The following CBR4 variants were observed in gnomAD, a reference collection of about 807,000 sequenced individuals.
CBR4 encodes the protein 3-oxoacyl-[acyl-carrier-protein] reductase.
In CBR4, 22 loss-of-function variants were observed where a neutral mutation model predicts 21.0. The ratio of observed to expected loss-of-function variants is 1.05; its 90% CI spans 0.75 to 1.50. CBR4 has a LOEUF of 1.50. CBR4 is among the 40% of genes most tolerant of loss of function. The pLI is 0.00. For missense variants in CBR4, 302 were observed against 286.3 expected (o/e 1.05, Z -0.40); for synonymous variants, 100 against 104.4 (o/e 0.96, Z 0.26).
At chr4:168,980,695 C>T (rs930297095) in intron 2 of CBR4, among the ~76,000 whole-genome samples, 3 of 152,126 alleles carry the variant, frequency 2.0e-5, no homozygotes, top group African/African-American at 7.2e-5. Flanking sequence ...GAGATCATGC[C>T]ACCACACTCC....
chr4:168,954,228 C>G (rs1763623348), intron 2 of CBR4, among the ~76,000 whole-genome samples: 1 of 152,124 alleles, frequency 6.6e-6, no homozygotes, highest in Non-Finnish European at 1.5e-5. Context: ...TTCTTAAGCA[C>G]AACACTGAAA....
At position 168,988,461 on chromosome 4, in the gene CBR4, C is replaced by CT; in HGVS notation, c.*1688_*1689insA. The CT allele has an allele frequency of 1.0e-5, 10 of 985,418 alleles. No individual in the cohort carries two copies. The highest frequency in any genetic ancestry group is 1.2e-5 in the Non-Finnish European group (10 of 829,936). 61.0% of individuals were successfully genotyped at this position (985,418 alleles called of 1,614,324 possible). A position where few individuals can be genotyped will look rare whatever the true frequency, so the allele number is the denominator to read the frequency against. ...CATAAGGTGTCCAGAGAAGAAAACT[C>CT]AAGACTGAATGGGCTGCCATAATGG... On this transcript the variant is annotated 3_prime_UTR_variant, in exon 5 of 5. Transcript: ENST00000306193.
chr4:169,010,167 C>A lies in CBR4; in HGVS notation c.-78G>T, dbSNP rs1437945238. 8 of 1,125,828 alleles carry A rather than the reference C, an allele frequency of 7.1e-6. No homozygotes were observed. Among genetic ancestry groups the A allele is most frequent in the African/African-American group, 1.8e-5 (1 of 56,238 alleles). The allele number at this position is 1,125,828 out of a possible 1,614,324, so 69.7% of individuals were successfully genotyped here. On this transcript the variant is annotated 5_prime_UTR_variant, in exon 1 of 5. Coordinates refer to ENST00000306193, the MANE Select transcript of CBR4 (RefSeq NM_032783.5). ...AGGTTCCCTCAGGCTTTTAAACAACCGCGGTTCCAAAAAAAAAAAAAAGAA... is the reference window on the plus strand; with the variant it reads ...AGGTTCCCTCAGGCTTTTAAACAACAGCGGTTCCAAAAAAAAAAAAAAGAA...
At chr4:168,991,241 G>A (rs1221854496) in intron 4 of CBR4, among the ~76,000 whole-genome samples, 1 of 152,064 alleles carries the variant, frequency 6.6e-6, no homozygotes, top group African/African-American at 2.4e-5. Context: ...CACTCTTTGG[G>A]GAACCTATGA....
At chr4:168,920,919 T>G (rs562760130) in intron 2 of CBR4, among the ~76,000 whole-genome samples, 1 of 152,308 alleles carries the variant, frequency 6.6e-6, no homozygotes, top group Admixed American at 6.5e-5. Flanking sequence ...GCCCAGAGCC[T>G]GGTGCTGATA....
chr4:168,953,017 G>A (rs1380410410), intron 2 of CBR4, among the ~76,000 whole-genome samples: 5 of 152,182 alleles, frequency 3.3e-5, no homozygotes, highest in Non-Finnish European at 7.4e-5. Flanking sequence ...ACTAGGGCGG[G>A]TAGAGAAGGA....
chr4:168,920,228 C>T (rs1054029294), intron 2 of CBR4, among the ~76,000 whole-genome samples: 1 of 152,216 alleles, frequency 6.6e-6, no homozygotes, highest in African/African-American at 2.4e-5. Flanking sequence ...AACACAGAGC[C>T]TGAGTGTCTC....
chr4:168,979,780 G>A (rs376078227), intron 2 of CBR4, among the ~76,000 whole-genome samples: 37 of 152,248 alleles, frequency 2.4e-4, no homozygotes, highest in African/African-American at 7.5e-4. Flanking sequence ...CAGTGGCTCT[G>A]CATTTCCCAG....
At chr4:168,933,315 G>GA (rs1483751020) in intron 2 of CBR4, among the ~76,000 whole-genome samples, 1 of 152,058 alleles carries the variant, frequency 6.6e-6, no homozygotes, top group African/African-American at 2.4e-5. Context: ...TGAAGGGATG[G>GA]AAAAAAATAA....
At position 168,990,325 on chromosome 4, in the gene CBR4, A is replaced by G. The variant is rs1764851514; in HGVS notation, c.539T>C (p.Phe180Ser). 1.9e-6 allele frequency: 3 copies of G among 1,597,692 alleles called. No homozygotes were observed. The highest frequency in any genetic ancestry group is 1.7e-4 in the Middle Eastern group (1 of 5,974). ...GTCTTTCGTCATATCTGTGTGTACA[A>G]ATCCTAAAAGAGAAATGTTTGTTTA... ...KIRVNVVAPGFVHTDMTKDLK... is the reference protein window; with the variant it reads ...KIRVNVVAPGSVHTDMTKDLK... Residue 180 changes from phenylalanine (F) to serine (S), a missense_variant, in exon 5 of 5, where the codon TTT becomes TCT. Physicochemically the swap from Phe to Ser is radical, Grantham distance 155. Coordinates refer to ENST00000306193, the MANE Select transcript of CBR4 (RefSeq NM_032783.5).
In CBR4 at chr4:169,000,376, T is replaced by C. The variant is rs369935467; in HGVS notation, c.535+1695A>G. On this transcript the variant is annotated intron_variant, in intron 4 of 4. Coordinates refer to ENST00000306193, the MANE Select transcript of CBR4 (RefSeq NM_032783.5). ...AATGTCTGAATGTAGCTAGTTGCTA[T>C]GAGAAAAAAAAAAAAGAAAAGAAAA... Among the ~76,000 whole-genome samples, 12 of 147,852 alleles carry C rather than the reference T, an allele frequency of 8.1e-5. No homozygotes were observed. The East Asian group carries it at 2.2e-3, about 27-fold the overall frequency.
chr4:168,942,605 A>G (rs1250635424), intron 2 of CBR4, among the ~76,000 whole-genome samples: 2 of 152,012 alleles, frequency 1.3e-5, no homozygotes, highest in Non-Finnish European at 2.9e-5. Context: ...AAAGCACAGG[A>G]AACTAAAATA....
chr4:169,006,664 TGTTTC>T, intron 3 of CBR4, 86 bp downstream of exon 3: 1 of 1,150,146 alleles, frequency 8.7e-7, no homozygotes, highest in Non-Finnish European at 1.3e-6. Flanking sequence ...ATTTCATTCA[TGTTTC>T]ACAATAAATC....
At chr4:168,966,584 TAAG>T (rs1235548014) in intron 2 of CBR4, among the ~76,000 whole-genome samples, 3 of 151,370 alleles carry the variant, frequency 2.0e-5, no homozygotes, top group Non-Finnish European at 2.9e-5. Flanking sequence ...TGTGGAAAAA[TAAG>T]AACTCTTTTA....
At chr4:168,901,720 T>C (rs1756560946) in intron 2 of CBR4, among the ~76,000 whole-genome samples, 1 of 152,102 alleles carries the variant, frequency 6.6e-6, no homozygotes. Context: ...TAGCTGAGCA[T>C]GGAGGCGCAC....
At chr4:168,906,770 G>T (rs1007315909) in intron 2 of CBR4, among the ~76,000 whole-genome samples, 6 of 151,962 alleles carry the variant, frequency 3.9e-5, no homozygotes, top group African/African-American at 1.5e-4. Flanking sequence ...AATTACAAGC[G>T]TGAGCCACTG....
chr4:168,934,664 A>G (rs1447884932), intron 2 of CBR4, among the ~76,000 whole-genome samples: 1 of 152,132 alleles, frequency 6.6e-6, no homozygotes, highest in African/African-American at 2.4e-5. Context: ...ATAAAAAGTA[A>G]TGATAATAAA....
intron 2 of CBR4, among the ~76,000 whole-genome samples, chr4:168,930,504 G>A (rs1479700009): frequency 6.6e-6 from 1 of 152,298 alleles, no homozygotes; most frequent in African/African-American, 2.4e-5. Flanking sequence ...AGCATTTGAC[G>A]AGGAAGGGAA....
chr4:169,002,259 G>C, intron 3 of CBR4, 54 bp from the exon 4 acceptor site: 1 of 1,336,962 alleles, frequency 7.5e-7, no homozygotes, highest in Non-Finnish European at 9.7e-7. Flanking sequence ...TCAATTAATG[G>C]GGTTACTTGA....
Sources: gnomAD v4.1 joint callset for allele counts (sites outside exome capture counted in the v4.1 genomes callset) on GRCh38, gnomAD v4.1.1 for gene constraint, MANE v1.5 for transcripts, NCBI Gene and HGNC (gene_info 2026-07-23, HGNC 2026-07-21) for gene names.